Variants in CORIN observed in about 807,000 individuals in gnomAD.
CORIN encodes atrial natriuretic peptide-converting enzyme.
CORIN carries 117 observed loss-of-function variants against 125.3 expected under a neutral mutation model. The ratio of observed to expected loss-of-function variants is 0.93; its 90% CI spans 0.80 to 1.09. The LOEUF is 1.09. Ranked by LOEUF, CORIN falls within the 50% of genes least tolerant of loss-of-function variation. The probability of loss-of-function intolerance (pLI) is 0.00; values close to 1 mark genes in which losing one functional copy is unlikely to be tolerated. For missense variants in CORIN, 1,253 were observed against 1,306.7 expected, an observed-to-expected ratio of 0.96 and a Z score of 0.63; for synonymous variants, 450 against 466.4, an observed-to-expected ratio of 0.96 and a Z score of 0.45.
chr4:47,636,092 A>G (rs149323895), intron 16 of CORIN, among the ~76,000 whole-genome samples: 1 of 152,324 alleles, frequency 6.6e-6, no homozygotes, highest in East Asian at 1.9e-4. Flanking sequence ...AATATAATAG[A>G]TGTTGTCTTT....
At chr4:47,699,201 T>A (rs2109754592) in intron 5 of CORIN, among the ~76,000 whole-genome samples, 1 of 152,336 alleles carries the variant, frequency 6.6e-6, no homozygotes, top group South Asian at 2.1e-4. Flanking sequence ...CAGAGTATCA[T>A]CCACATCAAG....
chr4:47,684,750 T>C (rs1267566383), intron 6 of CORIN, among the ~76,000 whole-genome samples: 2 of 152,176 alleles, frequency 1.3e-5, no homozygotes, highest in African/African-American at 4.8e-5. Context: ...AATTTGGATA[T>C]CCAGAGTCTC....
At chr4:47,745,642 C>G (rs1300207445) in intron 4 of CORIN, among the ~76,000 whole-genome samples, 1 of 152,194 alleles carries the variant, frequency 6.6e-6, no homozygotes, top group Admixed American at 6.5e-5. Flanking sequence ...AGGACACATT[C>G]TACCTACTCT....
At chr4:47,697,153 TGA>T (rs1726054075) in intron 5 of CORIN, among the ~76,000 whole-genome samples, 1 of 152,178 alleles carries the variant, frequency 6.6e-6, no homozygotes, top group Non-Finnish European at 1.5e-5. Context: ...TGAAAAAGAC[TGA>T]GTGTAATCTT....
chr4:47,607,605 GT>G (rs144944787), intron 19 of CORIN, among the ~76,000 whole-genome samples: 22,981 of 152,118 alleles, frequency 0.15, 2,329 homozygotes, highest in South Asian at 0.26. Flanking sequence ...AACCCAACCT[GT>G]TGTTTGAAAG....
chr4:47,804,881 A>G (rs1223159287), intron 2 of CORIN, among the ~76,000 whole-genome samples: 2 of 152,032 alleles, frequency 1.3e-5, no homozygotes, highest in East Asian at 1.9e-4. Context: ...GGATTATAAA[A>G]ATATAAGATT....
rs538182880 is a variant in CORIN, at chr4:47,816,079, A to G, written c.64-9032T>C. Among the ~76,000 whole-genome samples the G allele has an allele frequency of 3.3e-5, 5 of 152,352 alleles. No individual in the cohort carries two copies. The East Asian group carries it at 9.6e-4, about 29-fold the overall frequency. On this transcript the variant is annotated intron_variant, in intron 1 of 21. Coordinates refer to ENST00000273857, the MANE Select transcript of CORIN (RefSeq NM_006587.4). Reference sequence around the variant, plus strand: ...TTCTACAGCTGAAAATAATCAGGGAAAGCATAGAAGACAAAGTGGATTTTA... The same window carrying G: ...TTCTACAGCTGAAAATAATCAGGGAGAGCATAGAAGACAAAGTGGATTTTA...
intron 11 of CORIN, among the ~76,000 whole-genome samples, chr4:47,664,060 C>T (rs1227669366): frequency 6.6e-6 from 1 of 152,162 alleles, no homozygotes; most frequent in South Asian, 2.1e-4. Flanking sequence ...AAAAACTCTG[C>T]GTGACTTCTG....
intron 5 of CORIN, among the ~76,000 whole-genome samples, chr4:47,741,123 CTG>C (rs752574688): frequency 3.3e-5 from 5 of 151,824 alleles, no homozygotes; most frequent in Non-Finnish European, 5.9e-5. Flanking sequence ...AAGTTAAAAA[CTG>C]TTGTTAAAAT....
intron 19 of CORIN, among the ~76,000 whole-genome samples, chr4:47,621,608 C>A (rs544081115): frequency 2.0e-4 from 31 of 152,224 alleles, no homozygotes; most frequent in African/African-American, 7.0e-4. Context: ...CAGTGATGTT[C>A]GTCAGTTTGG....
At chr4:47,771,689 T>C (rs974750369) in intron 3 of CORIN, among the ~76,000 whole-genome samples, 2 of 152,202 alleles carry the variant, frequency 1.3e-5, no homozygotes, top group African/African-American at 4.8e-5. Flanking sequence ...TGAAAACATG[T>C]GGTATTTGGT....
chr4:47,664,599 G>A (rs956833570), intron 11 of CORIN, among the ~76,000 whole-genome samples: 1 of 152,166 alleles, frequency 6.6e-6, no homozygotes, highest in African/African-American at 2.4e-5. Flanking sequence ...GTCCATCGCT[G>A]TCCAATCTGT....
intron 5 of CORIN, among the ~76,000 whole-genome samples, chr4:47,708,608 C>A (rs941692910): frequency 2.0e-5 from 3 of 152,104 alleles, no homozygotes; most frequent in African/African-American, 7.2e-5. Flanking sequence ...ATATCTTATT[C>A]ATTTTTTATG....
At chr4:47,651,706 A>T (rs1359189058) in intron 13 of CORIN, among the ~76,000 whole-genome samples, 3 of 152,182 alleles carry the variant, frequency 2.0e-5, no homozygotes, top group Middle Eastern at 3.2e-3. Context: ...TTAATTTTTG[A>T]TAGAGATTAG....
intron 2 of CORIN, among the ~76,000 whole-genome samples, chr4:47,796,709 A>G (rs1457541947): frequency 1.3e-5 from 2 of 152,096 alleles, no homozygotes; most frequent in African/African-American, 2.4e-5. Context: ...GATACATTAA[A>G]TATGTGCAGC....
At chr4:47,792,798 A>T (rs1192023830) in intron 2 of CORIN, among the ~76,000 whole-genome samples, 2 of 152,222 alleles carry the variant, frequency 1.3e-5, no homozygotes, top group Non-Finnish European at 1.5e-5. Flanking sequence ...TGACACAATC[A>T]TCACAAAGGC....
intron 19 of CORIN, among the ~76,000 whole-genome samples, chr4:47,619,822 T>C (rs1722226343): frequency 6.6e-6 from 1 of 152,180 alleles, no homozygotes; most frequent in Non-Finnish European, 1.5e-5. Flanking sequence ...TAATCATCGC[T>C]TGATGAATGT....
chr4:47,727,383 G>C (rs1057197737), intron 5 of CORIN, among the ~76,000 whole-genome samples: 1 of 151,920 alleles, frequency 6.6e-6, no homozygotes, highest in Non-Finnish European at 1.5e-5. Flanking sequence ...AAAATAAACT[G>C]CATCTAATAC....
chr4:47,676,770 A>G (rs1451875589), intron 9 of CORIN, among the ~76,000 whole-genome samples: 1 of 152,200 alleles, frequency 6.6e-6, no homozygotes, highest in African/African-American at 2.4e-5. Flanking sequence ...AAAGCCTGCC[A>G]TTTCATCATG....
Sources: gnomAD v4.1 joint callset for allele counts (sites outside exome capture counted in the v4.1 genomes callset) on GRCh38, gnomAD v4.1.1 for gene constraint, MANE v1.5 for transcripts, NCBI Gene and HGNC (gene_info 2026-07-23, HGNC 2026-07-21) for gene names.